The following KAT6B variants were observed in gnomAD, a reference collection of about 807,000 sequenced individuals.
KAT6B encodes the protein histone acetyltransferase KAT6B.
KAT6B carries 10 observed loss-of-function variants against 187.5 expected under a neutral mutation model. That is an observed-to-expected ratio of 0.05 (90% CI 0.03 to 0.09). The LOEUF is 0.09. Among genes scored for constraint, KAT6B ranks in the 10% least tolerant of loss-of-function variants. The pLI, the probability that KAT6B is intolerant of heterozygous loss-of-function variation, is 1.00. For synonymous variants in KAT6B, 861 were observed against 926.8 expected, an observed-to-expected ratio of 0.93 and a Z score of 1.29; for missense variants, 1,952 against 2,558.9, an observed-to-expected ratio of 0.76 and a Z score of 5.12.
At position 74,871,945 on chromosome 10, in the gene KAT6B, C is replaced by T. The variant is rs373212822; in HGVS notation, c.621+28467C>T. Among the ~76,000 whole-genome samples, 140 of 152,274 alleles carry T rather than the reference C, an allele frequency of 9.2e-4. 1 individual carries two copies. In the Middle Eastern group the frequency reaches 0.014, roughly 15 times the overall value. On this transcript the variant is annotated intron_variant, in intron 3 of 17. Coordinates refer to ENST00000287239, the MANE Select transcript of KAT6B (RefSeq NM_012330.4). ...AAGGATAACAACCTACTCTTCAGCC[C>T]ACCTGAGAGGACAGGATGCTTCAAG...
At chr10:74,985,035 G>A in intron 11 of KAT6B, 45 bp from the exon 12 acceptor site, 1 of 1,523,466 alleles carries the variant, frequency 6.6e-7, no homozygotes, top group East Asian at 2.3e-5. Flanking sequence ...TTTATATGGT[G>A]CAGTATTTTT....
intron 3 of KAT6B, among the ~76,000 whole-genome samples, chr10:74,898,025 C>A (rs1353548192): frequency 6.6e-6 from 1 of 151,928 alleles, no homozygotes; most frequent in Non-Finnish European, 1.5e-5. Context: ...CACCATAGGC[C>A]CTTATATGTG....
intron 3 of KAT6B, among the ~76,000 whole-genome samples, chr10:74,844,760 A>G (rs1405851953): frequency 6.6e-6 from 1 of 152,240 alleles, no homozygotes; most frequent in Non-Finnish European, 1.5e-5. Flanking sequence ...TTTCAAAGCT[A>G]CAGTATTTAC....
intron 12 of KAT6B, among the ~76,000 whole-genome samples, chr10:74,986,583 C>T (rs1327294437): frequency 6.6e-6 from 1 of 152,146 alleles, no homozygotes; most frequent in East Asian, 1.9e-4. Context: ...TCATGGAAAA[C>T]TGTCTCAGTG....
intron 3 of KAT6B, among the ~76,000 whole-genome samples, chr10:74,942,632 G>T (rs1475502947): frequency 6.6e-6 from 1 of 151,826 alleles, no homozygotes; most frequent in African/African-American, 2.4e-5. Flanking sequence ...GGGCATGGTG[G>T]CACAAGCCTG....
chr10:74,906,117 T>C (rs1206150291), intron 3 of KAT6B, among the ~76,000 whole-genome samples: 1 of 152,150 alleles, frequency 6.6e-6, no homozygotes, highest in Non-Finnish European at 1.5e-5. Flanking sequence ...ACCATAGGAT[T>C]GGCTGGGCAC....
At chr10:74,941,608 CACAA>C (rs946248216) in intron 3 of KAT6B, among the ~76,000 whole-genome samples, 7 of 152,166 alleles carry the variant, frequency 4.6e-5, no homozygotes, top group African/African-American at 9.7e-5. Context: ...ACCACCAACA[CACAA>C]ACACACACAC....
chr10:74,972,713 T>A, intron 7 of KAT6B, 74 bp downstream of exon 7: 1 of 1,378,246 alleles, frequency 7.3e-7, no homozygotes, highest in Non-Finnish European at 1.0e-6. Context: ...TTCTCTCAGA[T>A]TCCTTTAGGG....
chr10:74,932,304 C>A (rs1184231337), intron 3 of KAT6B, among the ~76,000 whole-genome samples: 1 of 152,196 alleles, frequency 6.6e-6, no homozygotes, highest in Non-Finnish European at 1.5e-5. Context: ...ATTCCCACAA[C>A]AACTATAGTT....
At position 74,862,841 on chromosome 10, in the gene KAT6B, C is replaced by T. The variant is rs186316341; in HGVS notation, c.621+19363C>T. Among the ~76,000 whole-genome samples, 523 of 152,252 alleles carry T rather than the reference C, an allele frequency of 3.4e-3. 22 individuals carry two copies. Among genetic ancestry groups the T allele is most frequent in the Admixed American group, 0.034 (517 of 15,272 alleles). The stretch of plus-strand genomic sequence containing the variant: ...TCCTCAGCCTCAACAGAAAGGTCAG[C>T]TGAACAGACTCCAAGGCAGTGGAGG... On this transcript the variant is annotated intron_variant, in intron 3 of 17. Coordinates refer to ENST00000287239, the MANE Select transcript of KAT6B (RefSeq NM_012330.4).
intron 3 of KAT6B, among the ~76,000 whole-genome samples, chr10:74,901,959 A>T (rs1198003088): frequency 6.6e-6 from 1 of 152,168 alleles, no homozygotes; most frequent in Admixed American, 6.5e-5. Context: ...GAAATCAAAG[A>T]AGTGCTAGGA....
chr10:74,849,569 T>G (rs1042123771), intron 3 of KAT6B, among the ~76,000 whole-genome samples: 5 of 152,186 alleles, frequency 3.3e-5, no homozygotes, highest in Admixed American at 6.5e-5. Context: ...CTAGGTAGGA[T>G]TACAGGCTTG....
intron 3 of KAT6B, among the ~76,000 whole-genome samples, chr10:74,844,303 A>G (rs1245290861): frequency 6.6e-6 from 1 of 151,962 alleles, no homozygotes; most frequent in African/African-American, 2.4e-5. Flanking sequence ...GGTTCAAGTG[A>G]TTCTTCTGCC....
chr10:74,926,270 A>T (rs559805074), intron 3 of KAT6B, among the ~76,000 whole-genome samples: 2 of 152,344 alleles, frequency 1.3e-5, no homozygotes, highest in African/African-American at 4.8e-5. Flanking sequence ...CTTGGCCAAC[A>T]TGGCAAAACC....
At chr10:74,837,365 A>G (rs1841377141) in intron 1 of KAT6B, among the ~76,000 whole-genome samples, 1 of 152,190 alleles carries the variant, frequency 6.6e-6, no homozygotes, top group South Asian at 2.1e-4. Flanking sequence ...TGTAGCACAA[A>G]TCCCCAGAAT....
chr10:75,006,672 G>A (rs1009891635), intron 13 of KAT6B, among the ~76,000 whole-genome samples: 17 of 151,914 alleles, frequency 1.1e-4, no homozygotes, highest in African/African-American at 2.9e-4. Context: ...GAACTCCTGC[G>A]CTCAAGCGAT....
At chr10:74,827,776 G>T (rs1840379755) in intron 1 of KAT6B, among the ~76,000 whole-genome samples, 1 of 152,072 alleles carries the variant, frequency 6.6e-6, no homozygotes, top group Non-Finnish European at 1.5e-5. Context: ...TGAGGATGGG[G>T]CAGAGAAAGG....
chr10:74,830,990 T>C, intron 1 of KAT6B, among the ~76,000 whole-genome samples: 1 of 151,330 alleles, frequency 6.6e-6, no homozygotes, highest in Non-Finnish European at 1.5e-5. Context: ...GGTTTTGCCA[T>C]GTTGGGCAGG....
chr10:74,942,737 C>T (rs1849767304), intron 3 of KAT6B, among the ~76,000 whole-genome samples: 1 of 124,504 alleles, frequency 8.0e-6, no homozygotes, highest in African/African-American at 3.4e-5. Context: ...TGCACTCCAG[C>T]CTAGGCAACA....
Sources: allele counts gnomAD v4.1 joint callset (sites outside exome capture counted in the v4.1 genomes callset), GRCh38; gene constraint gnomAD v4.1.1; transcripts MANE v1.5; gene names NCBI Gene and HGNC (gene_info 2026-07-23, HGNC 2026-07-21).